Variants in ABTB3 observed in about 807,000 individuals in gnomAD.
The protein encoded by ABTB3 is ankyrin repeat- and BTB/POZ domain-containing protein 3.
chr12:107,511,701 T>C, the ABTB3 span, among the ~76,000 whole-genome samples: 2 of 152,162 alleles, frequency 1.3e-5, no homozygotes, highest in Non-Finnish European at 1.5e-5. Flanking sequence ...ATTTAATGGA[T>C]GGGCAAATAG....
At chr12:107,415,279 C>T in the ABTB3 span, among the ~76,000 whole-genome samples, 262 of 152,274 alleles carry the variant, frequency 1.7e-3, 1 homozygote, top group Non-Finnish European at 2.8e-3. Context: ...TCAGACATCA[C>T]CCATTTTAAT....
At chr12:107,561,279 C>T in the ABTB3 span, among the ~76,000 whole-genome samples, 1 of 152,122 alleles carries the variant, frequency 6.6e-6, no homozygotes, top group Non-Finnish European at 1.5e-5. Context: ...TAAAAGGAAA[C>T]TAAAGACCAA....
chr12:107,603,267 C>T, the ABTB3 span, among the ~76,000 whole-genome samples: 1 of 152,210 alleles, frequency 6.6e-6, no homozygotes, highest in Non-Finnish European at 1.5e-5. Context: ...ACATTTCTGA[C>T]AAATCGGGTT....
the ABTB3 span, among the ~76,000 whole-genome samples, chr12:107,432,870 G>T: frequency 1.3e-5 from 2 of 152,136 alleles, no homozygotes; most frequent in African/African-American, 4.8e-5. Context: ...CCTATGCTCT[G>T]GTTGATCATT....
chr12:107,595,113 G>C, the ABTB3 span, among the ~76,000 whole-genome samples: 1 of 152,176 alleles, frequency 6.6e-6, no homozygotes, highest in Admixed American at 6.6e-5. Context: ...TTCATAGAGA[G>C]ACTTGCTGAA....
the ABTB3 span, among the ~76,000 whole-genome samples, chr12:107,600,043 G>A: frequency 1.3e-5 from 2 of 152,322 alleles, no homozygotes; most frequent in Admixed American, 1.3e-4. Context: ...ACAGATCTGG[G>A]TTGAAATTGA....
the ABTB3 span, among the ~76,000 whole-genome samples, chr12:107,480,650 G>A: frequency 7.2e-5 from 11 of 152,280 alleles, no homozygotes; most frequent in East Asian, 1.4e-3. Context: ...CTGAAGGGTC[G>A]TGGCTCTAGT....
At chr12:107,528,926 TGATGATGATGGA>T in the ABTB3 span, among the ~76,000 whole-genome samples, 3 of 151,154 alleles carry the variant, frequency 2.0e-5, no homozygotes, top group Admixed American at 1.3e-4. Context: ...ATGGTGATAG[TGATGATGATGGA>T]GATGATGATG....
At chr12:107,365,643 A>G in the ABTB3 span, among the ~76,000 whole-genome samples, 4 of 152,104 alleles carry the variant, frequency 2.6e-5, no homozygotes, top group African/African-American at 9.7e-5. Flanking sequence ...TTGTCCCACC[A>G]TGTTCTTTCC....
At chr12:107,658,926 T>G in the ABTB3 span, 1 of 152,650 alleles carries the variant, frequency 6.6e-6, no homozygotes, top group Admixed American at 6.5e-5. Context: ...ACAGGATTAT[T>G]ATAATGAAAG....
the ABTB3 span, among the ~76,000 whole-genome samples, chr12:107,500,319 C>A: frequency 1.3e-4 from 20 of 152,294 alleles, no homozygotes; most frequent in East Asian, 3.7e-3. Context: ...ATGACCTCTT[C>A]GTTGTCTGGA....
chr12:107,532,860 A>T, the ABTB3 span, among the ~76,000 whole-genome samples: 2 of 150,544 alleles, frequency 1.3e-5, no homozygotes, highest in Non-Finnish European at 2.9e-5. Flanking sequence ...AAAGAATGGG[A>T]TGATATATTC....
chr12:107,405,249 T>A, the ABTB3 span, among the ~76,000 whole-genome samples: 7 of 152,170 alleles, frequency 4.6e-5, no homozygotes, highest in Non-Finnish European at 2.9e-5. Context: ...AAGCAGGGCA[T>A]AAACTGCACA....
At chr12:107,563,796 C>T in the ABTB3 span, among the ~76,000 whole-genome samples, 1 of 152,076 alleles carries the variant, frequency 6.6e-6, no homozygotes, top group Non-Finnish European at 1.5e-5. Flanking sequence ...GAGAGATGAA[C>T]AAACACAGTG....
the ABTB3 span, among the ~76,000 whole-genome samples, chr12:107,372,270 A>G: frequency 3.2e-4 from 48 of 152,220 alleles, no homozygotes; most frequent in African/African-American, 1.1e-3. Flanking sequence ...AGGTCTTGCA[A>G]CTCCTTCCCC....
chr12:107,608,323 C>T, the ABTB3 span, among the ~76,000 whole-genome samples: 2 of 152,200 alleles, frequency 1.3e-5, no homozygotes, highest in African/African-American at 4.8e-5. Context: ...GCCCACCCTC[C>T]GTCCTCTCAT....
the ABTB3 span, among the ~76,000 whole-genome samples, chr12:107,643,805 C>T: frequency 2.3e-5 from 3 of 132,880 alleles, no homozygotes; most frequent in African/African-American, 8.8e-5. Context: ...GCTCTGTTGT[C>T]CAGGTTGGTG....
chr12:107,499,270 G>A, the ABTB3 span, among the ~76,000 whole-genome samples: 1 of 151,970 alleles, frequency 6.6e-6, no homozygotes, highest in Admixed American at 6.6e-5. Flanking sequence ...AAATGACCCT[G>A]GGCAAAAAGT....
At chr12:107,514,945 G>C in the ABTB3 span, among the ~76,000 whole-genome samples, 1 of 152,170 alleles carries the variant, frequency 6.6e-6, no homozygotes, top group Non-Finnish European at 1.5e-5. Context: ...TTTCCTCTCA[G>C]TTAACATATG....
Sources: gnomAD v4.1 joint callset for allele counts (sites outside exome capture counted in the v4.1 genomes callset) on GRCh38, gnomAD v4.1.1 for gene constraint, MANE v1.5 for transcripts, NCBI Gene and HGNC (gene_info 2026-07-23, HGNC 2026-07-21) for gene names.